The following CPNE4 variants were observed in gnomAD, a reference collection of about 807,000 sequenced individuals.
CPNE4 encodes the protein copine-4.
Under a neutral mutation model 67.9 loss-of-function variants are expected in CPNE4, and 25 were observed. The observed-to-expected ratio is 0.37, with a 90% CI of 0.27 to 0.51. The LOEUF is 0.51. Ranked by LOEUF, CPNE4 falls within the 20% of genes least tolerant of loss-of-function variation. The pLI is 0.93. For missense variants in CPNE4, 464 were observed against 690.8 expected (o/e 0.67, Z 3.68); for synonymous variants, 242 against 244.9 (o/e 0.99, Z 0.11).
chr3:131,654,824 G>T (rs1271525182), intron 7 of CPNE4, among the ~76,000 whole-genome samples: 2 of 152,078 alleles, frequency 1.3e-5, no homozygotes, highest in Non-Finnish European at 2.9e-5. Flanking sequence ...CCACTGAAGG[G>T]GGCAGTGCCA....
chr3:132,029,871 C>T (rs1011393782), intron 1 of CPNE4, among the ~76,000 whole-genome samples: 1 of 141,574 alleles, frequency 7.1e-6, no homozygotes, highest in South Asian at 2.5e-4. Context: ...GTTCCTGGAA[C>T]TGTAAACACT....
intron 1 of CPNE4, among the ~76,000 whole-genome samples, chr3:131,997,421 C>T (rs1475010847): frequency 6.6e-6 from 1 of 152,052 alleles, no homozygotes; most frequent in African/African-American, 2.4e-5. Flanking sequence ...GATTCAGTAT[C>T]TAATATTCAG....
rs1290805597 is a variant in CPNE4, at chr3:131,806,536, T to A, written c.181-82911A>T. 9.7e-4 allele frequency among the ~76,000 whole-genome samples: 118 copies of A among 121,682 alleles called. 2 individuals carry two copies. In the Admixed American group the frequency reaches 0.012, roughly 12 times the overall value. The allele number at this position is 121,682 out of a possible 152,430, so 79.8% of individuals were successfully genotyped here. ...CTGCACTCCAGCCTGGGTGACAGAGTGAGACTCCGTCTCAAAAAAAAAAAA... is the reference window on the plus strand; with the variant it reads ...CTGCACTCCAGCCTGGGTGACAGAGAGAGACTCCGTCTCAAAAAAAAAAAA... On this transcript the variant is annotated intron_variant, in intron 2 of 15. Transcript: ENST00000429747.
At chr3:131,925,601 G>A (rs1188443618) in intron 1 of CPNE4, 1 of 152,082 alleles carries the variant, frequency 6.6e-6, no homozygotes. Context: ...ACAAAATTTG[G>A]TTTGGGGATA....
At chr3:131,700,958 G>A (rs552148410) in intron 3 of CPNE4, among the ~76,000 whole-genome samples, 2 of 152,042 alleles carry the variant, frequency 1.3e-5, no homozygotes, top group South Asian at 2.1e-4. Context: ...CATGGATGAA[G>A]CTGGAAACCA....
At chr3:131,880,131 T>C (rs1388118271) in intron 2 of CPNE4, among the ~76,000 whole-genome samples, 5 of 23,850 alleles carry the variant, frequency 2.1e-4, no homozygotes, top group African/African-American at 7.6e-4. Context: ...TATATATACA[T>C]ATTTTTTTTT....
intron 3 of CPNE4, among the ~76,000 whole-genome samples, chr3:131,704,991 C>T (rs1469410134): frequency 6.6e-6 from 1 of 152,082 alleles, no homozygotes; most frequent in Non-Finnish European, 1.5e-5. Flanking sequence ...TAAGAAGAGA[C>T]ACCTGATCAT....
chr3:131,746,094 T>C (rs57285458), intron 2 of CPNE4, among the ~76,000 whole-genome samples: 71,320 of 151,730 alleles, frequency 0.47, 17,066 homozygotes, highest in African/African-American at 0.56. Context: ...AAGTTCTGTA[T>C]ATGTTTTCTT....
intron 2 of CPNE4, among the ~76,000 whole-genome samples, chr3:131,764,087 C>T (rs911145236): frequency 2.6e-5 from 4 of 152,172 alleles, no homozygotes; most frequent in Middle Eastern, 3.4e-3. Flanking sequence ...AGTCCCATGG[C>T]TGCTAAATGT....
chr3:131,835,028 C>T (rs1252086765), intron 2 of CPNE4, among the ~76,000 whole-genome samples: 1 of 152,100 alleles, frequency 6.6e-6, no homozygotes, highest in Non-Finnish European at 1.5e-5. Context: ...AAGCACATTC[C>T]ACCCTACTTC....
chr3:131,744,219 A>G (rs1175709446), intron 2 of CPNE4, among the ~76,000 whole-genome samples: 2 of 151,956 alleles, frequency 1.3e-5, no homozygotes, highest in Non-Finnish European at 2.9e-5. Flanking sequence ...AGGATTTGGT[A>G]AGATGCCTGA....
intron 2 of CPNE4, among the ~76,000 whole-genome samples, chr3:131,772,969 A>G (rs977818586): frequency 1.3e-5 from 2 of 152,070 alleles, no homozygotes; most frequent in Non-Finnish European, 1.5e-5. Context: ...ATCTATTTAA[A>G]CCTTTTTAGA....
At chr3:131,579,609 T>C (rs371855230) in intron 9 of CPNE4, among the ~76,000 whole-genome samples, 3 of 151,842 alleles carry the variant, frequency 2.0e-5, no homozygotes, top group Non-Finnish European at 2.9e-5. Context: ...TGGGAGGAGG[T>C]TGAAATATCA....
intron 7 of CPNE4, among the ~76,000 whole-genome samples, chr3:131,632,482 A>G (rs928222928): frequency 6.6e-6 from 1 of 152,140 alleles, no homozygotes; most frequent in African/African-American, 2.4e-5. Flanking sequence ...TCTTGTTAAT[A>G]TGGGGTCTTT....
chr3:131,654,171 G>T (rs1322242461), intron 7 of CPNE4, among the ~76,000 whole-genome samples: 2 of 152,060 alleles, frequency 1.3e-5, no homozygotes, highest in Admixed American at 1.3e-4. Flanking sequence ...CCTTAGTTTT[G>T]CCACTGTGGT....
intron 1 of CPNE4, among the ~76,000 whole-genome samples, chr3:132,021,110 C>A (rs945726329): frequency 7.9e-5 from 12 of 152,212 alleles, no homozygotes; most frequent in African/African-American, 2.9e-4. Flanking sequence ...CATTGGCACA[C>A]TGGGATGCAG....
chr3:131,610,701 C>T (rs1226048147), intron 7 of CPNE4, among the ~76,000 whole-genome samples: 2 of 152,164 alleles, frequency 1.3e-5, no homozygotes, highest in Non-Finnish European at 2.9e-5. Flanking sequence ...ACTCTCCTAT[C>T]CGTTATTTCT....
At chr3:131,644,799 G>C (rs1188805086) in intron 7 of CPNE4, among the ~76,000 whole-genome samples, 1 of 152,164 alleles carries the variant, frequency 6.6e-6, no homozygotes, top group Non-Finnish European at 1.5e-5. Flanking sequence ...TACATAAGAG[G>C]AGCATAATCA....
At chr3:131,944,247 A>T (rs2071483980) in intron 1 of CPNE4, among the ~76,000 whole-genome samples, 1 of 151,964 alleles carries the variant, frequency 6.6e-6, no homozygotes, top group African/African-American at 2.4e-5. Flanking sequence ...AGAAAAGAAT[A>T]CATGCAGGGA....
Sources: gnomAD v4.1 joint callset for allele counts (sites outside exome capture counted in the v4.1 genomes callset) on GRCh38, gnomAD v4.1.1 for gene constraint, MANE v1.5 for transcripts, NCBI Gene and HGNC (gene_info 2026-07-23, HGNC 2026-07-21) for gene names.